ESPNL: variants seen among roughly 807,000 people sequenced by gnomAD.
ESPNL encodes espin-like protein.
A neutral mutation model predicts 46.8 loss-of-function variants in ESPNL; 49 were observed. The observed-to-expected ratio is 1.05, with a 90% CI of 0.83 to 1.33. The LOEUF is 1.33. Among genes scored for constraint, ESPNL ranks in the 40% most tolerant of loss-of-function variants. The pLI is 0.00. For missense variants in ESPNL, 1,540 were observed against 1,436.6 expected (o/e 1.07, Z -1.16); for synonymous variants, 664 against 662.1 (o/e 1.00, Z -0.04).
chr2:238,115,112 T>TCC, intron 4 of ESPNL, among the ~76,000 whole-genome samples: 1 of 152,186 alleles, frequency 6.6e-6, no homozygotes, highest in Non-Finnish European at 1.5e-5. Flanking sequence ...GTTCTGGAGC[T>TCC]GATCTTGCGG....
Position 238,131,486 on chromosome 2 carries a change from C to T in ESPNL, c.2772C>T (p.Ala924=), listed in dbSNP as rs1215836455. 1.9e-6 allele frequency: 3 copies of T among 1,611,840 alleles called. No homozygotes were observed. Among genetic ancestry groups the T allele is most frequent in the Non-Finnish European group, 2.5e-6 (3 of 1,179,530 alleles). ...CCGACGGCTTCGAGGACATCAAAGC[C>T]CGCTTCTTTGGCTCCAGCCAGCGTC... ...AWTDGFEDIK[A]RFFGSSQRPA... Residue 924 remains alanine, a synonymous_variant, in exon 9 of 9, where the codon GCC becomes GCT. Coordinates refer to ENST00000343063, the MANE Select transcript of ESPNL (RefSeq NM_194312.4).
intron 5 of ESPNL, among the ~76,000 whole-genome samples, chr2:238,118,851 G>T (rs1173022115): frequency 4.0e-4 from 56 of 139,862 alleles, no homozygotes; most frequent in African/African-American, 6.8e-4. Flanking sequence ...AAGGAAGAGG[G>T]TGGATGGAAG....
chr2:238,101,862 C>T (rs1691485562), intron 1 of ESPNL, 79 bp from the exon 2 acceptor site: 2 of 1,089,606 alleles, frequency 1.8e-6, no homozygotes, highest in Non-Finnish European at 2.7e-6. Context: ...TGTGAGCCCT[C>T]GCCCAGGGCC....
chr2:238,116,085 G>A (rs188552602), intron 4 of ESPNL, among the ~76,000 whole-genome samples: 2 of 152,376 alleles, frequency 1.3e-5, no homozygotes, highest in Admixed American at 6.5e-5. Flanking sequence ...TGTGAACACA[G>A]CGTTCGCCTA....
rs527650366 is a variant in ESPNL at position 238,132,410 on chromosome 2, C to T, written c.*678C>T. 2.6e-5 allele frequency: 4 copies of T among 152,506 alleles called. No individual in the cohort carries two copies. Among genetic ancestry groups the T allele is most frequent in the Non-Finnish European group, 4.4e-5 (3 of 68,152 alleles). The allele number at this position is 152,506 out of a possible 1,614,324, so 9.4% of individuals were successfully genotyped here. ...CCAGCCTGACCAGCCCTGGCCTAGT[C>T]GTGGGCCCCAGCAAGGCTGGAGAGC... is the stretch of plus-strand genomic sequence containing the variant. On this transcript the variant is annotated 3_prime_UTR_variant, in exon 9 of 9. Coordinates refer to ENST00000343063, the MANE Select transcript of ESPNL (RefSeq NM_194312.4).
At chr2:238,110,969 T>C (rs1274936936) in intron 4 of ESPNL, among the ~76,000 whole-genome samples, 14 of 149,720 alleles carry the variant, frequency 9.4e-5, no homozygotes, top group African/African-American at 3.4e-4. Flanking sequence ...TTTTTTTTTT[T>C]TGAGACGGAG....
intron 5 of ESPNL, among the ~76,000 whole-genome samples, chr2:238,118,982 TGGA>T (rs781125035): frequency 3.5e-4 from 41 of 117,872 alleles, no homozygotes; most frequent in Admixed American, 6.8e-4. Context: ...GGAGGGTTAA[TGGA>T]GGAGGAGTGG....
At position 238,132,371 on chromosome 2, in the gene ESPNL, G is replaced by A. The variant is rs2106306572; in HGVS notation, c.*639G>A. ...TGCTTCCTCAAAGGAGGCTCCCCATGGGGCCCCTGTCCTCCAGCCTGACCA... is the reference window on the plus strand; with the variant it reads ...TGCTTCCTCAAAGGAGGCTCCCCATAGGGCCCCTGTCCTCCAGCCTGACCA... On this transcript the variant is annotated 3_prime_UTR_variant, in exon 9 of 9. Transcript: ENST00000343063. 6.5e-6 allele frequency: 1 copy of A among 152,836 alleles called. No individual in the cohort carries two copies. Among genetic ancestry groups the A allele is most frequent in the East Asian group, 1.9e-4 (1 of 5,194 alleles). 9.5% of individuals were successfully genotyped at this position (152,836 alleles called of 1,614,324 possible). A position where few individuals can be genotyped will look rare whatever the true frequency, so the allele number is the denominator to read the frequency against.
chr2:238,112,387 A>G (rs1691732580), intron 4 of ESPNL, among the ~76,000 whole-genome samples: 1 of 151,732 alleles, frequency 6.6e-6, no homozygotes, highest in African/African-American at 2.4e-5. Context: ...GATATTGGGT[A>G]TTTTTGTGTT....
Position 238,130,864 on chromosome 2 carries a change from G to T in ESPNL, c.2150G>T (p.Ser717Ile). ...DTEEASDSGI[S>I]CEEVPSEAGA... Reference sequence around the variant, plus strand: ...GAGGAGGCCAGCGACTCTGGCATCAGCTGCGAGGAGGTGCCATCAGAGGCG... The same window carrying T: ...GAGGAGGCCAGCGACTCTGGCATCATCTGCGAGGAGGTGCCATCAGAGGCG... The change falls in exon 9 of 9, where the codon AGC becomes ATC. Residue 717 changes from serine to isoleucine, a missense_variant. Coordinates refer to ENST00000343063, the MANE Select transcript of ESPNL (RefSeq NM_194312.4). The T allele has an allele frequency of 6.4e-7, 1 of 1,555,664 alleles. No homozygotes were observed.
rs1410762770 is a variant in ESPNL, at chr2:238,132,166, CT to C, written c.*435del. 6.1e-6 allele frequency: 1 copy of C among 164,930 alleles called. No homozygotes were observed. The highest frequency in any genetic ancestry group is 2.4e-5 in the African/African-American group (1 of 41,670). 10.2% of individuals were successfully genotyped at this position (164,930 alleles called of 1,614,324 possible). On this transcript the variant is annotated 3_prime_UTR_variant, in exon 9 of 9. Transcript: ENST00000343063. Reference sequence around the variant, plus strand: ...GTGGCCCCAGGCCCTGGTCCTGCCCCTGTTTCTCCTGCTGACCTTGGGTCAC... The same window carrying C: ...GTGGCCCCAGGCCCTGGTCCTGCCCCGTTTCTCCTGCTGACCTTGGGTCAC...
chr2:238,117,874 G>C (rs145365944), intron 5 of ESPNL, among the ~76,000 whole-genome samples: 4 of 152,200 alleles, frequency 2.6e-5, no homozygotes, highest in South Asian at 2.1e-4. Context: ...ATACATGGAG[G>C]GGGGAGAGCT....
In ESPNL at chr2:238,131,830, G is replaced by T; in HGVS notation, c.*98G>T. ...ACACCCTTGGTGTTCAGGTGAGCCGGGCAAGGCTGCCTCCAGTCCTACCAG... is the reference window on the plus strand; with the variant it reads ...ACACCCTTGGTGTTCAGGTGAGCCGTGCAAGGCTGCCTCCAGTCCTACCAG... On this transcript the variant is annotated 3_prime_UTR_variant, in exon 9 of 9. Coordinates refer to ENST00000343063, the MANE Select transcript of ESPNL (RefSeq NM_194312.4). 1 of 1,354,146 alleles carries T rather than the reference G, an allele frequency of 7.4e-7. No homozygotes were observed. Among genetic ancestry groups the T allele is most frequent in the Non-Finnish European group, 1.0e-6 (1 of 986,514 alleles). The allele number at this position is 1,354,146 out of a possible 1,614,324, so 83.9% of individuals were successfully genotyped here. A position where few individuals can be genotyped will look rare whatever the true frequency, so the allele number is the denominator to read the frequency against.
At chr2:238,116,635 G>A (rs191509655) in intron 4 of ESPNL, among the ~76,000 whole-genome samples, 276 of 152,326 alleles carry the variant, frequency 1.8e-3, no homozygotes, top group South Asian at 0.01. Flanking sequence ...GGGTCTGGAC[G>A]GGGCACCCTG....
At chr2:238,128,967 T>C in intron 8 of ESPNL, 63 bp downstream of exon 8, 1 of 1,496,084 alleles carries the variant, frequency 6.7e-7, no homozygotes, top group Admixed American at 2.1e-5. Flanking sequence ...TAGGTGGAAG[T>C]GGAAGTCAGG....
In ESPNL at chr2:238,131,760, G is replaced by A. The variant is rs773801786; in HGVS notation, c.*28G>A. On this transcript the variant is annotated 3_prime_UTR_variant, in exon 9 of 9. Transcript: ENST00000343063. ...CTACTGGCAGCCTGCTTTCCAGAATGTGGTTTGGGGGTGACTTGGAGTTTC... is the reference window on the plus strand; with the variant it reads ...CTACTGGCAGCCTGCTTTCCAGAATATGGTTTGGGGGTGACTTGGAGTTTC... 9 of 1,554,176 alleles carry A rather than the reference G, an allele frequency of 5.8e-6. No individual in the cohort carries two copies. In the African/African-American group the frequency reaches 1.2e-4, roughly 21 times the overall value.
chr2:238,130,314 G>A lies in ESPNL; in HGVS notation c.1600G>A (p.Ala534Thr), dbSNP rs1692269205. The part of the protein sequence containing the change: ...QEYESELGRL[A>T]AELQALLPEP... ...GTATGAGAGTGAGCTGGGCCGGTTGGCGGCTGAGCTGCAGGCCCTGCTGCC... is the reference window on the plus strand; with the variant it reads ...GTATGAGAGTGAGCTGGGCCGGTTGACGGCTGAGCTGCAGGCCCTGCTGCC... Residue 534 changes from alanine (A) to threonine (T), a missense_variant, in exon 9 of 9, where the codon GCG becomes ACG. Ala to Thr is a moderately conservative substitution (Grantham distance 58). Coordinates refer to ENST00000343063, the MANE Select transcript of ESPNL (RefSeq NM_194312.4). The A allele has an allele frequency of 1.2e-6, 2 of 1,606,994 alleles. No homozygotes were observed. Among genetic ancestry groups the A allele is most frequent in the Non-Finnish European group, 8.5e-7 (1 of 1,177,406 alleles).
At chr2:238,125,433 G>A (rs1218392877) in intron 6 of ESPNL, 49 bp downstream of exon 6, 7 of 1,144,336 alleles carry the variant, frequency 6.1e-6, no homozygotes, top group Non-Finnish European at 8.3e-6. Flanking sequence ...GCCTGGGAGA[G>A]GGTGCCACTG....
chr2:238,130,746 G>A lies in ESPNL; in HGVS notation c.2032G>A (p.Ala678Thr). The A allele has an allele frequency of 6.4e-7, 1 of 1,563,944 alleles. No homozygotes were observed. The highest frequency in any genetic ancestry group is 1.8e-5 in the Admixed American group (1 of 55,010). The change falls in exon 9 of 9, where the codon GCC becomes ACC. Residue 678 changes from alanine (A) to threonine (T), a missense_variant. Coordinates refer to ENST00000343063, the MANE Select transcript of ESPNL (RefSeq NM_194312.4). Reference protein sequence around the residue: ...GFNPGPCEPGAQHRQCLSGCW... With the variant: ...GFNPGPCEPGTQHRQCLSGCW... The stretch of plus-strand genomic sequence containing the variant: ...CAACCCTGGCCCCTGCGAGCCGGGG[G>A]CCCAGCACAGGCAGTGCCTGAGTGG...
Sources: allele counts gnomAD v4.1 joint callset (sites outside exome capture counted in the v4.1 genomes callset), GRCh38; gene constraint gnomAD v4.1.1; transcripts MANE v1.5; gene names NCBI Gene and HGNC (gene_info 2026-07-23, HGNC 2026-07-21).